TCF12: variants seen among roughly 807,000 people sequenced by gnomAD.
The protein encoded by TCF12 is transcription factor 12.
A neutral mutation model predicts 86.0 loss-of-function variants in TCF12; 45 were observed. The observed-to-expected ratio is 0.52, with a 90% CI of 0.41 to 0.67. TCF12 has a LOEUF of 0.67. Ranked by LOEUF, TCF12 falls within the 30% of genes least tolerant of loss-of-function variation. The probability of loss-of-function intolerance (pLI) is 0.00; values close to 1 mark genes in which losing one functional copy is unlikely to be tolerated. For synonymous variants in TCF12, 330 were observed against 299.6 expected (o/e 1.10, Z -1.05); for missense variants, 881 against 859.9 (o/e 1.02, Z -0.31).
At chr15:57,202,067 C>T (rs1269075368) in intron 8 of TCF12, among the ~76,000 whole-genome samples, 2 of 152,122 alleles carry the variant, frequency 1.3e-5, no homozygotes, top group Admixed American at 6.5e-5. Context: ...AACCATTACC[C>T]ATATCCTAAT....
At chr15:57,241,537 TC>T (rs2059630525) in intron 12 of TCF12, among the ~76,000 whole-genome samples, 1 of 152,196 alleles carries the variant, frequency 6.6e-6, no homozygotes, top group South Asian at 2.1e-4. Flanking sequence ...AGTGTCTAGA[TC>T]CTGACTGTTT....
At chr15:57,279,867 T>C (rs2061598366) in intron 19 of TCF12, among the ~76,000 whole-genome samples, 1 of 148,952 alleles carries the variant, frequency 6.7e-6, no homozygotes, top group African/African-American at 2.5e-5. Context: ...TATGAGACTT[T>C]AACCTCCACA....
At chr15:56,930,632 T>C (rs2060203574) in intron 3 of TCF12, among the ~76,000 whole-genome samples, 1 of 152,194 alleles carries the variant, frequency 6.6e-6, no homozygotes, top group Non-Finnish European at 1.5e-5. Context: ...ACTTTCCAAT[T>C]AGGTAGATAA....
intron 3 of TCF12, among the ~76,000 whole-genome samples, chr15:56,995,649 C>G (rs2141002719): frequency 6.6e-6 from 1 of 152,042 alleles, no homozygotes; most frequent in South Asian, 2.1e-4. Flanking sequence ...ATTTTGTACC[C>G]TGAAACTTTA....
intron 3 of TCF12, among the ~76,000 whole-genome samples, chr15:56,958,098 C>G (rs528586228): frequency 6.6e-6 from 1 of 152,218 alleles, no homozygotes; most frequent in East Asian, 1.9e-4. Flanking sequence ...AGGTAGTTTC[C>G]TCAAATGCAC....
At chr15:57,077,327 ATGTGTGTGTGTGTGTGTGTGTG>A (rs1172206511) in intron 4 of TCF12, among the ~76,000 whole-genome samples, 1 of 25,702 alleles carries the variant, frequency 3.9e-5, no homozygotes, top group African/African-American at 3.2e-4. Context: ...ATGTATATAT[ATGTGTGTGTGTGTGTGTGTGTG>A]TGTGTGTGTG....
At chr15:57,000,107 T>C (rs1280405628) in intron 3 of TCF12, among the ~76,000 whole-genome samples, 1 of 152,182 alleles carries the variant, frequency 6.6e-6, no homozygotes, top group Non-Finnish European at 1.5e-5. Context: ...AGAACACATT[T>C]CCTATACTTA....
chr15:56,965,054 T>G (rs2061942458), intron 3 of TCF12, among the ~76,000 whole-genome samples: 1 of 152,176 alleles, frequency 6.6e-6, no homozygotes, highest in South Asian at 2.1e-4. Flanking sequence ...CTCTCAAGAA[T>G]GACACTTAAG....
At chr15:57,097,268 G>A (rs1200037544) in intron 5 of TCF12, among the ~76,000 whole-genome samples, 1 of 152,004 alleles carries the variant, frequency 6.6e-6, no homozygotes, top group Non-Finnish European at 1.5e-5. Context: ...GGCTTAGTGG[G>A]GTGGCTCACA....
chr15:56,994,513 C>A (rs2063603792), intron 3 of TCF12, among the ~76,000 whole-genome samples: 1 of 151,758 alleles, frequency 6.6e-6, no homozygotes, highest in African/African-American at 2.4e-5. Context: ...AAATTTATGC[C>A]CAGATATGTC....
chr15:57,136,234 C>T (rs777358374), intron 5 of TCF12, among the ~76,000 whole-genome samples: 11 of 152,172 alleles, frequency 7.2e-5, no homozygotes, highest in Non-Finnish European at 1.3e-4. Flanking sequence ...GACATCTTTG[C>T]AAGTTTATTT....
At chr15:56,940,738 C>G (rs79838790) in intron 3 of TCF12, among the ~76,000 whole-genome samples, 5,026 of 111,308 alleles carry the variant, frequency 0.045, 352 homozygotes, top group East Asian at 0.28. Flanking sequence ...CTCTCCCCCC[C>G]CTTCTCCTCC....
intron 8 of TCF12, among the ~76,000 whole-genome samples, chr15:57,216,513 G>C (rs1444369790): frequency 6.8e-6 from 1 of 147,982 alleles, no homozygotes; most frequent in Non-Finnish European, 1.5e-5. Context: ...GTCTCCAGCT[G>C]ACTCGTTTTG....
intron 8 of TCF12, among the ~76,000 whole-genome samples, chr15:57,199,509 T>C (rs2057430566): frequency 6.6e-6 from 1 of 152,192 alleles, no homozygotes; most frequent in African/African-American, 2.4e-5. Context: ...AAACAGTGTA[T>C]GTTCAGTGTT....
intron 5 of TCF12, among the ~76,000 whole-genome samples, chr15:57,123,982 A>AAAAAAAAAAAAAAAAAAAAAAAAAAT (rs1555511574): frequency 3.6e-5 from 4 of 111,260 alleles, no homozygotes; most frequent in African/African-American, 1.2e-4. Flanking sequence ...AAAAAAAAAA[A>AAAAAAAAAAAAAAAAAAAAAAAAAAT]TTTTTTTTTT....
At chr15:57,194,616 C>T (rs1374480102) in intron 7 of TCF12, among the ~76,000 whole-genome samples, 2 of 152,182 alleles carry the variant, frequency 1.3e-5, no homozygotes, top group Non-Finnish European at 2.9e-5. Flanking sequence ...CAGCATGCTG[C>T]ATAACAGTAT....
chr15:57,020,694 G>T (rs2065425147), intron 3 of TCF12, among the ~76,000 whole-genome samples: 1 of 152,124 alleles, frequency 6.6e-6, no homozygotes, highest in African/African-American at 2.4e-5. Flanking sequence ...TGTTTAATTG[G>T]TTTATTTTTT....
At chr15:57,176,266 G>T (rs2055902521) in intron 6 of TCF12, among the ~76,000 whole-genome samples, 1 of 152,276 alleles carries the variant, frequency 6.6e-6, no homozygotes. Context: ...ACAAGTAAAA[G>T]GCTTTCCAAA....
chr15:57,016,368 C>T (rs573300347), intron 3 of TCF12, among the ~76,000 whole-genome samples: 1 of 152,268 alleles, frequency 6.6e-6, no homozygotes, highest in East Asian at 1.9e-4. Flanking sequence ...AAGGTCAACA[C>T]AGAAACATGA....
Sources: gnomAD v4.1 joint callset for allele counts (sites outside exome capture counted in the v4.1 genomes callset) on GRCh38, gnomAD v4.1.1 for gene constraint, MANE v1.5 for transcripts, NCBI Gene and HGNC (gene_info 2026-07-23, HGNC 2026-07-21) for gene names.